Variants in RGS5 observed in about 807,000 individuals in gnomAD.
RGS5 encodes the protein regulator of G protein signaling 5.
In RGS5, 20 loss-of-function variants were observed where a neutral mutation model predicts 18.9. That is an observed-to-expected ratio of 1.06 (90% CI 0.74 to 1.54). The LOEUF (loss-of-function observed/expected upper bound fraction) is 1.54, where lower values mean the gene tolerates loss of function less well. RGS5 is among the 40% of genes most tolerant of loss of function. RGS5 has a pLI of 0.00. For synonymous variants in RGS5, 57 were observed against 76.2 expected, an observed-to-expected ratio of 0.75 and a Z score of 1.31; for missense variants, 201 against 211.8, an observed-to-expected ratio of 0.95 and a Z score of 0.32.
intron 2 of RGS5, among the ~76,000 whole-genome samples, chr1:163,288,089 G>T (rs1033160394): frequency 2.0e-5 from 3 of 151,206 alleles, no homozygotes; most frequent in African/African-American, 7.3e-5. Context: ...AAATTTAAAA[G>T]CACACAACAG....
At chr1:163,202,963 C>A, upstream of RGS5, 1 of 805,416 alleles carries the variant, frequency 1.2e-6, no homozygotes, top group Non-Finnish European at 2.0e-6. Flanking sequence ...TTTCCCAGCC[C>A]TCTGTTGCTC....
At chr1:163,317,826 G>C (rs1188779428) in intron 1 of RGS5, among the ~76,000 whole-genome samples, 1 of 150,864 alleles carries the variant, frequency 6.6e-6, no homozygotes, top group Admixed American at 6.6e-5. Context: ...ATCAAGCATG[G>C]AGCCAATAAG....
At chr1:163,286,887 A>G (rs1294808996) in intron 2 of RGS5, among the ~76,000 whole-genome samples, 1 of 152,102 alleles carries the variant, frequency 6.6e-6, no homozygotes, top group Non-Finnish European at 1.5e-5. Flanking sequence ...CTTTCTTCAG[A>G]GTAATTATAC....
intron 2 of RGS5, among the ~76,000 whole-genome samples, chr1:163,251,928 C>A (rs1648116778): frequency 6.6e-6 from 1 of 152,040 alleles, no homozygotes; most frequent in East Asian, 1.9e-4. Context: ...GAGTTGTTTC[C>A]AATTCTTGGC....
At chr1:163,200,636 C>T (rs985875475) in intron 1 of RGS5, among the ~76,000 whole-genome samples, 4 of 152,156 alleles carry the variant, frequency 2.6e-5, no homozygotes, top group African/African-American at 9.7e-5. Context: ...ACATTCTTCT[C>T]AGGCAGCATG....
chr1:163,156,523 G>A (rs1235259050), intron 3 of RGS5, among the ~76,000 whole-genome samples: 1 of 151,984 alleles, frequency 6.6e-6, no homozygotes, highest in Non-Finnish European at 1.5e-5. Context: ...TCTTTTGTTG[G>A]GATTGTTTGC....
intron 2 of RGS5, among the ~76,000 whole-genome samples, chr1:163,269,478 T>C (rs1230594707): frequency 1.3e-5 from 2 of 152,222 alleles, no homozygotes; most frequent in East Asian, 3.9e-4. Flanking sequence ...AAATTCTGGT[T>C]GGGACAATCA....
At chr1:163,305,071 G>A (rs955531746) in intron 2 of RGS5, 3 of 152,100 alleles carry the variant, frequency 2.0e-5, no homozygotes, top group African/African-American at 7.2e-5. Context: ...ATATAGATTT[G>A]TCTAGTTTAA....
intron 2 of RGS5, among the ~76,000 whole-genome samples, chr1:163,222,914 C>G (rs1647261318): frequency 6.6e-6 from 1 of 152,086 alleles, no homozygotes; most frequent in Admixed American, 6.5e-5. Flanking sequence ...GGCTGGAGTA[C>G]AGTGGCATGA....
intron 2 of RGS5, among the ~76,000 whole-genome samples, chr1:163,272,202 T>C (rs1488725426): frequency 6.6e-6 from 1 of 152,086 alleles, no homozygotes; most frequent in African/African-American, 2.4e-5. Flanking sequence ...TTACATTTTC[T>C]TTCATATATC....
chr1:163,300,089 A>G (rs1649515337), intron 2 of RGS5, among the ~76,000 whole-genome samples: 1 of 152,232 alleles, frequency 6.6e-6, no homozygotes, highest in Admixed American at 6.5e-5. Flanking sequence ...AAACAGTGAA[A>G]TTATCTCTTT....
chr1:163,204,123 ATGACCTGATGTTTTTAATG>A (rs1659876182), upstream of RGS5, among the ~76,000 whole-genome samples: 1 of 152,182 alleles, frequency 6.6e-6, no homozygotes, highest in Non-Finnish European at 1.5e-5. Flanking sequence ...GCAGTGCATT[ATGACCTGATGTTTTTAATG>A]TAATAAATAG....
rs1030013590 is a variant in RGS5 at position 163,142,364 on chromosome 1, CTTTA to C, written c.*4974_*4977del. 2 of 151,992 alleles carry C rather than the reference CTTTA, an allele frequency of 1.3e-5. No individual in the cohort carries two copies. The highest frequency in any genetic ancestry group is 2.4e-5 in the African/African-American group (1 of 41,390). 9.4% of individuals were successfully genotyped at this position (151,992 alleles called of 1,614,324 possible). On this transcript the variant is annotated 3_prime_UTR_variant, in exon 5 of 5. Coordinates refer to ENST00000313961, the MANE Select transcript of RGS5 (RefSeq NM_003617.4). Reference sequence around the variant, plus strand: ...TGTGGTTACAGATACATATTTGGTGCTTTATTTATCCAGAAGCATGAGTCACATA... The same window carrying C: ...TGTGGTTACAGATACATATTTGGTGCTTTATCCAGAAGCATGAGTCACATA...
At chr1:163,164,368 C>T (rs372791037) in intron 2 of RGS5, among the ~76,000 whole-genome samples, 3 of 152,264 alleles carry the variant, frequency 2.0e-5, no homozygotes, top group Middle Eastern at 3.4e-3. Context: ...TCAAATGAAA[C>T]TCAAAATAAA....
intron 2 of RGS5, among the ~76,000 whole-genome samples, chr1:163,289,486 T>A (rs775989321): frequency 2.0e-5 from 3 of 152,088 alleles, no homozygotes; most frequent in Non-Finnish European, 4.4e-5. Flanking sequence ...AAGGTAGGAT[T>A]CACCTTTTTA....
At chr1:163,209,425 T>G (rs1356000207) in intron 1 of RGS5, among the ~76,000 whole-genome samples, 1 of 152,168 alleles carries the variant, frequency 6.6e-6, no homozygotes, top group African/African-American at 2.4e-5. Context: ...CTTGTTGAAA[T>G]TTTTATTAGG....
At chr1:163,210,022 C>T (rs1272990372) in intron 1 of RGS5, among the ~76,000 whole-genome samples, 3 of 151,674 alleles carry the variant, frequency 2.0e-5, no homozygotes. Context: ...CAGGGTCTGG[C>T]TCTATCAGCC....
intron 2 of RGS5, among the ~76,000 whole-genome samples, chr1:163,166,436 A>G (rs1159324307): frequency 6.6e-6 from 1 of 152,236 alleles, no homozygotes; most frequent in African/African-American, 2.4e-5. Flanking sequence ...CCCCTCTGAA[A>G]GAAGAACATG....
rs149224412 is a variant in RGS5, at chr1:163,182,017, C to T, written c.45-13649G>A. Reference sequence around the variant, plus strand: ...TAAGTTAATGCATTAATAGGTTTAGCATGGAACTTGGTGTATAGTATTATA... The same window carrying T: ...TAAGTTAATGCATTAATAGGTTTAGTATGGAACTTGGTGTATAGTATTATA... On this transcript the variant is annotated intron_variant, in intron 1 of 4. Coordinates refer to ENST00000313961, the MANE Select transcript of RGS5 (RefSeq NM_003617.4). 6.0e-3 allele frequency among the ~76,000 whole-genome samples: 916 copies of T among 152,202 alleles called. 11 individuals carry two copies. Among genetic ancestry groups the T allele is most frequent in the African/African-American group, 0.021 (859 of 41,536 alleles).
Sources: allele counts gnomAD v4.1 joint callset (sites outside exome capture counted in the v4.1 genomes callset), GRCh38; gene constraint gnomAD v4.1.1; transcripts MANE v1.5; gene names NCBI Gene and HGNC (gene_info 2026-07-23, HGNC 2026-07-21).